Variants in SENP3 observed in about 807,000 individuals in gnomAD.
SENP3 encodes SUMO specific peptidase 3.
Under a neutral mutation model 66.2 loss-of-function variants are expected in SENP3, and 11 were observed. The ratio of observed to expected loss-of-function variants is 0.17; its 90% CI spans 0.10 to 0.28. SENP3 has a LOEUF of 0.28. Among genes scored for constraint, SENP3 ranks in the 10% least tolerant of loss-of-function variants. SENP3 has a pLI of 1.00. For missense variants in SENP3, 548 were observed against 743.7 expected, an observed-to-expected ratio of 0.74 and a Z score of 3.06; for synonymous variants, 292 against 277.6, an observed-to-expected ratio of 1.05 and a Z score of -0.52.
rs2150921484 is a variant in SENP3 at position 7,570,351 on chromosome 17, T to C, written c.1342-5T>C. The C allele has an allele frequency of 6.2e-7, 1 of 1,612,812 alleles. No homozygotes were observed. The highest frequency in any genetic ancestry group is 1.3e-5 in the African/African-American group (1 of 75,020). The stretch of plus-strand genomic sequence containing the variant: ...TGTACCTGACCTGTGGCACTATCTC[T>C]TTAGGTGGACATCTTCAATAAGGAG... On this transcript the variant is annotated splice_region_variant and splice_polypyrimidine_tract_variant and intron_variant, in intron 7 of 10. Transcript: ENST00000321337. The surrounding 1 kb of genome is among the most constrained non-coding windows in gnomAD (Gnocchi z 5.4).
At position 7,570,636 on chromosome 17, in the gene SENP3, A is replaced by G. The variant is rs761966987; in HGVS notation, c.1480-45A>G. 1.0e-5 allele frequency: 16 copies of G among 1,595,006 alleles called. No individual in the cohort carries two copies. The highest frequency in any genetic ancestry group is 2.7e-5 in the African/African-American group (2 of 74,468). On this transcript the variant is annotated intron_variant, in intron 8 of 10. Coordinates refer to ENST00000321337, the MANE Select transcript of SENP3 (RefSeq NM_015670.6). The surrounding 1 kb of genome is among the most constrained non-coding windows in gnomAD (Gnocchi z 5.4). Reference sequence around the variant, plus strand: ...CACTGTACCCACCATACTGTGTTCAATTGAGAAACTTAGGGCATCACTTTC... The same window carrying G: ...CACTGTACCCACCATACTGTGTTCAGTTGAGAAACTTAGGGCATCACTTTC...
Position 7,570,894 on chromosome 17 carries a change from G to A in SENP3, c.1575G>A (p.Arg525=). The part of the protein sequence containing the change: ...WKGYFKMNVA[R]QNNDSDCGAF... Reference sequence around the variant, plus strand: ...TTTCTCTTCTCTAGAATGTGGCCAGGCAGAATAATGACAGTGACTGTGGTG... The same window carrying A: ...TTTCTCTTCTCTAGAATGTGGCCAGACAGAATAATGACAGTGACTGTGGTG... Residue 525 remains arginine (R), a synonymous_variant, in exon 10 of 11, where the codon AGG becomes AGA. Coordinates refer to ENST00000321337, the MANE Select transcript of SENP3 (RefSeq NM_015670.6). This position sits in a 1 kb window ranked among gnomAD's most constrained non-coding sequence, Gnocchi z 5.4. The A allele has an allele frequency of 6.2e-7, 1 of 1,613,508 alleles. No homozygotes were observed. The highest frequency in any genetic ancestry group is 8.5e-7 in the Non-Finnish European group (1 of 1,179,692).
In SENP3 at chr17:7,571,501, C is replaced by T; in HGVS notation, c.*18C>T. On this transcript the variant is annotated 3_prime_UTR_variant, in exon 11 of 11. Coordinates refer to ENST00000321337, the MANE Select transcript of SENP3 (RefSeq NM_015670.6). ...CTGTGTGAGCCTCGTACCCCAGACC[C>T]CAAGCCCATAAATGGGAAGGGAGAC... is the stretch of plus-strand genomic sequence containing the variant. 6.3e-7 allele frequency: 1 copy of T among 1,589,400 alleles called. No homozygotes were observed. Among genetic ancestry groups the T allele is most frequent in the Non-Finnish European group, 8.6e-7 (1 of 1,158,272 alleles).
At chr17:7,566,419 G>C (rs1166722738) in intron 6 of SENP3, among the ~76,000 whole-genome samples, 16 of 150,288 alleles carry the variant, frequency 1.1e-4, no homozygotes, top group Admixed American at 1.1e-3. Flanking sequence ...ACTTTGGGAG[G>C]CCAAGGCGGG....
Position 7,571,912 on chromosome 17 carries a change from AATATAT to A in SENP3, c.*431_*436del, listed in dbSNP as rs1555567020. The A allele has an allele frequency of 1.0e-4, 2 of 19,952 alleles. No individual in the cohort carries two copies. Among genetic ancestry groups the A allele is most frequent in the Admixed American group, 5.8e-4 (1 of 1,720 alleles). 1.2% of individuals were successfully genotyped at this position (19,952 alleles called of 1,614,324 possible). A position where few individuals can be genotyped will look rare whatever the true frequency, so the allele number is the denominator to read the frequency against. ...ATATATATATATATATATATATAAA[AATATAT>A]AAATGCCACGGTCCTGCTCTGGTCA... is the stretch of plus-strand genomic sequence containing the variant. On this transcript the variant is annotated 3_prime_UTR_variant, in exon 11 of 11. Coordinates refer to ENST00000321337, the MANE Select transcript of SENP3 (RefSeq NM_015670.6).
chr17:7,571,551 C>G lies in SENP3; in HGVS notation c.*68C>G. 1 of 1,072,368 alleles carries G rather than the reference C, an allele frequency of 9.3e-7. No individual in the cohort carries two copies. Among genetic ancestry groups the G allele is most frequent in the Admixed American group, 1.8e-5 (1 of 54,904 alleles). 66.4% of individuals were successfully genotyped at this position (1,072,368 alleles called of 1,614,324 possible). On this transcript the variant is annotated 3_prime_UTR_variant, in exon 11 of 11. Transcript: ENST00000321337. ...CATGGGAGTCCCTTCCCAAGAAACT[C>G]CAGTTCCTTTCCTCTCTTGCCTCTT... is the stretch of plus-strand genomic sequence containing the variant.
chr17:7,565,860 G>C, intron 6 of SENP3, 96 bp downstream of exon 6: 1 of 1,073,876 alleles, frequency 9.3e-7, no homozygotes, highest in Non-Finnish European at 1.4e-6. Flanking sequence ...ACACAGAGAG[G>C]GTCTCTGTTT....
intron 7 of SENP3, among the ~76,000 whole-genome samples, chr17:7,569,400 A>T (rs1198321862): frequency 1.3e-5 from 2 of 151,442 alleles, no homozygotes; most frequent in South Asian, 2.1e-4. Flanking sequence ...AAAAAAAAAG[A>T]TTTGTTTTTT....
Position 7,565,711 on chromosome 17 carries a change from C to T in SENP3, c.1216-6C>T. ...CATGGCAAGCTGCCTCCCATCTTCT[C>T]CCCAGGTGATGAACATGTATGGAGA... On this transcript the variant is annotated splice_region_variant and splice_polypyrimidine_tract_variant and intron_variant, in intron 5 of 10. Coordinates refer to ENST00000321337, the MANE Select transcript of SENP3 (RefSeq NM_015670.6). The T allele has an allele frequency of 1.9e-6, 3 of 1,613,956 alleles. No individual in the cohort carries two copies. Among genetic ancestry groups the T allele is most frequent in the Non-Finnish European group, 1.7e-6 (2 of 1,179,868 alleles).
At position 7,562,990 on chromosome 17, in the gene SENP3, G is replaced by T; in HGVS notation, c.-11-76G>T. 1 of 1,348,276 alleles carries T rather than the reference G, an allele frequency of 7.4e-7. No individual in the cohort carries two copies. Among genetic ancestry groups the T allele is most frequent in the South Asian group, 2.1e-5 (1 of 46,576 alleles). The allele number at this position is 1,348,276 out of a possible 1,614,324, so 83.5% of individuals were successfully genotyped here. A position where few individuals can be genotyped will look rare whatever the true frequency, so the allele number is the denominator to read the frequency against. On this transcript the variant is annotated intron_variant, in intron 1 of 10. Coordinates refer to ENST00000321337, the MANE Select transcript of SENP3 (RefSeq NM_015670.6). The surrounding 1 kb of genome is among the most constrained non-coding windows in gnomAD (Gnocchi z 5.0). ...TTATTTGCATCTGAATCCAGAGGAG[G>T]CATGGCCAGGAAGAGAGGCAGGATC...
At chr17:7,565,199 C>T (rs2150919385) in intron 4 of SENP3, 129 bp downstream of exon 4, 1 of 831,142 alleles carries the variant, frequency 1.2e-6, no homozygotes, top group Non-Finnish European at 1.9e-6. Context: ...GAGGACTCTG[C>T]AGGCAGGTGC....
At chr17:7,567,776 T>C (rs1305063079) in intron 7 of SENP3, among the ~76,000 whole-genome samples, 3 of 152,140 alleles carry the variant, frequency 2.0e-5, no homozygotes, top group Admixed American at 6.5e-5. Flanking sequence ...GAGTAGATCA[T>C]GTAAGACATG....
chr17:7,565,373 G>T, intron 4 of SENP3, 67 bp from the exon 5 acceptor site: 1 of 1,566,742 alleles, frequency 6.4e-7, no homozygotes, highest in South Asian at 1.2e-5. Flanking sequence ...ATTCCAGGGA[G>T]TAGTAGGTAT....
intron 7 of SENP3, 135 bp downstream of exon 7, chr17:7,567,139 C>T: frequency 2.8e-6 from 2 of 713,400 alleles, no homozygotes; most frequent in Admixed American, 2.2e-5. Context: ...TGTGTAGGCA[C>T]TAAGGATACA....
Position 7,571,430 on chromosome 17 carries a change from A to G in SENP3, c.1672A>G (p.Lys558Glu). 1.9e-6 allele frequency: 3 copies of G among 1,609,284 alleles called. No homozygotes were observed. Among genetic ancestry groups the G allele is most frequent in the Admixed American group, 1.7e-5 (1 of 59,388 alleles). Residue 558 changes from lysine to glutamate, a missense_variant, in exon 11 of 11, where the codon AAA (lysine) becomes GAA (glutamate). Physicochemically the swap from Lys to Glu is moderately conservative, Grantham distance 56. Coordinates refer to ENST00000321337, the MANE Select transcript of SENP3 (RefSeq NM_015670.6). ...CAGCTTCACCCAGCAGGACATGCCC[A>G]AACTTCGTCGGCAGATCTACAAGGA... Reference protein sequence around the residue: ...PFSFTQQDMPKLRRQIYKELC... With the variant: ...PFSFTQQDMPELRRQIYKELC...
rs1195839732 is a variant in SENP3 at position 7,562,062 on chromosome 17, T to TGAAGCA, written c.-210_-205dup. ...TGGAGGTGGAGGTGGAAGCTGAAGC[T>TGAAGCA]GAAGCAGAGCCAGAGGCGGCGCGGC... is the stretch of plus-strand genomic sequence containing the variant. On this transcript the variant is annotated 5_prime_UTR_variant, in exon 1 of 11. Coordinates refer to ENST00000321337, the MANE Select transcript of SENP3 (RefSeq NM_015670.6). This position sits in a 1 kb window ranked among gnomAD's most constrained non-coding sequence, Gnocchi z 5.0. 22 of 400,992 alleles carry TGAAGCA rather than the reference T, an allele frequency of 5.5e-5. No individual in the cohort carries two copies. The South Asian group carries it at 2.3e-3, about 41-fold the overall frequency. 24.8% of individuals were successfully genotyped at this position (400,992 alleles called of 1,614,324 possible).
chr17:7,565,921 G>C (rs2071263801), intron 6 of SENP3, 157 bp downstream of exon 6: 1 of 645,726 alleles, frequency 1.5e-6, no homozygotes, highest in Middle Eastern at 3.6e-4. Context: ...CCGTAATCTT[G>C]GGCTCTGGAT....
rs141869920 is a variant in SENP3 at position 7,570,305 on chromosome 17, A to G, written c.1342-51A>G. On this transcript the variant is annotated intron_variant, in intron 7 of 10. Coordinates refer to ENST00000321337, the MANE Select transcript of SENP3 (RefSeq NM_015670.6). This position sits in a 1 kb window ranked among gnomAD's most constrained non-coding sequence, Gnocchi z 5.4. ...GTTCCTCTCTAGAACCTTCATGGCA[A>G]AAGGCAAGACTTCTGTTTGTTGTAC... 4.7e-4 allele frequency: 743 copies of G among 1,591,572 alleles called. 2 individuals are homozygous for G. The African/African-American group carries it at 8.0e-3, about 17-fold the overall frequency.
rs1227189962 is a variant in SENP3 at position 7,562,473 on chromosome 17, T to G, written c.-12+210T>G. ...AGGAGGGGGCTGGGCCGGCCTGGCT[T>G]GTGCGCTCCGTTCTGTCCCAGCGTC... On this transcript the variant is annotated intron_variant, in intron 1 of 10. Coordinates refer to ENST00000321337, the MANE Select transcript of SENP3 (RefSeq NM_015670.6). This position sits in a 1 kb window ranked among gnomAD's most constrained non-coding sequence, Gnocchi z 5.0. 6.6e-6 allele frequency among the ~76,000 whole-genome samples: 1 copy of G among 152,258 alleles called. No homozygotes were observed.
Sources: allele counts gnomAD v4.1 joint callset (sites outside exome capture counted in the v4.1 genomes callset), GRCh38; gene constraint gnomAD v4.1.1; non-coding constraint Gnocchi (gnomAD v3.1); transcripts MANE v1.5; gene names NCBI Gene and HGNC (gene_info 2026-07-23, HGNC 2026-07-21).